PIERCE2: variants seen among roughly 807,000 people sequenced by gnomAD.
PIERCE2 encodes the protein piercer of microtubule wall 2 protein.
chr15:55,409,263 G>T, the PIERCE2 span, among the ~76,000 whole-genome samples: 1 of 152,090 alleles, frequency 6.6e-6, no homozygotes, highest in African/African-American at 2.4e-5. Context: ...AAATTAGCCA[G>T]GAGAGGTGGC....
the PIERCE2 span, among the ~76,000 whole-genome samples, chr15:55,410,319 G>A: frequency 6.6e-6 from 1 of 152,150 alleles, no homozygotes; most frequent in South Asian, 2.1e-4. Context: ...AGAACCAGTA[G>A]TAAAGAGGGT....
the PIERCE2 span, among the ~76,000 whole-genome samples, chr15:55,416,137 G>A: frequency 3.3e-5 from 5 of 151,808 alleles, no homozygotes; most frequent in Non-Finnish European, 5.9e-5. Context: ...CTTTTGCTCT[G>A]TCACCAGGCT....
At chr15:55,418,436 T>C in the PIERCE2 span, 2 of 1,524,330 alleles carry the variant, frequency 1.3e-6, no homozygotes, top group Non-Finnish European at 1.8e-6. Flanking sequence ...GTTTTTCCCC[T>C]GCAATTATAC....
chr15:55,418,438 C>T, the PIERCE2 span: 8 of 1,522,938 alleles, frequency 5.3e-6, no homozygotes, highest in Non-Finnish European at 7.0e-6. Flanking sequence ...TTTTCCCCTG[C>T]AATTATACTC....
chr15:55,408,990 G>C, the PIERCE2 span, among the ~76,000 whole-genome samples: 3 of 152,156 alleles, frequency 2.0e-5, no homozygotes, highest in Non-Finnish European at 2.9e-5. Flanking sequence ...CATCGAGATT[G>C]TATGCATTCA....
At chr15:55,418,539 T>C in the PIERCE2 span, 1 of 1,498,606 alleles carries the variant, frequency 6.7e-7, no homozygotes, top group Non-Finnish European at 8.9e-7. Context: ...ACCAGAACTC[T>C]TGATTTTCCT....
At chr15:55,418,545 T>C in the PIERCE2 span, 1 of 1,489,678 alleles carries the variant, frequency 6.7e-7, no homozygotes, top group Non-Finnish European at 9.0e-7. Context: ...ACTCTTGATT[T>C]TCCTAATATT....
At chr15:55,414,887 A>G in the PIERCE2 span, among the ~76,000 whole-genome samples, 1 of 152,094 alleles carries the variant, frequency 6.6e-6, no homozygotes, top group South Asian at 2.1e-4. Context: ...CAAAAAAAAG[A>G]AAAACAAAAC....
At chr15:55,412,240 G>T in the PIERCE2 span, among the ~76,000 whole-genome samples, 2 of 152,102 alleles carry the variant, frequency 1.3e-5, no homozygotes, top group Non-Finnish European at 2.9e-5. Flanking sequence ...ACAAATAAAG[G>T]TGAAATGATA....
At chr15:55,408,846 G>A in the PIERCE2 span, 2 of 1,280,984 alleles carry the variant, frequency 1.6e-6, no homozygotes, top group Non-Finnish European at 2.2e-6. Context: ...TATAATTTGA[G>A]GCACCACCTA....
the PIERCE2 span, chr15:55,418,263 T>G: frequency 6.4e-7 from 1 of 1,554,904 alleles, no homozygotes; most frequent in Non-Finnish European, 8.7e-7. Context: ...GACACAGAAA[T>G]GAAATCTGAA....
the PIERCE2 span, chr15:55,408,745 A>C: frequency 1.2e-5 from 19 of 1,527,140 alleles, no homozygotes; most frequent in Non-Finnish European, 1.6e-5. Flanking sequence ...ACTTTGCCGA[A>C]AAAATTAACA....
At chr15:55,416,871 G>C in the PIERCE2 span, among the ~76,000 whole-genome samples, 1 of 152,154 alleles carries the variant, frequency 6.6e-6, no homozygotes, top group Admixed American at 6.6e-5. Context: ...TGAGGCAGGA[G>C]AATTGCTTGA....
the PIERCE2 span, among the ~76,000 whole-genome samples, chr15:55,412,088 C>A: frequency 3.0e-5 from 2 of 67,148 alleles, no homozygotes; most frequent in Admixed American, 2.4e-4. Context: ...GAGACTTTGT[C>A]TCCACAAAAA....
chr15:55,408,526 CTTCCAGTTGCTATGG>C, the PIERCE2 span: 2 of 364,614 alleles, frequency 5.5e-6, no homozygotes, highest in Non-Finnish European at 4.9e-6. Flanking sequence ...CCGGCGACCA[CTTCCAGTTGCTATGG>C]TTACGAGTTG....
the PIERCE2 span, among the ~76,000 whole-genome samples, chr15:55,413,095 C>A: frequency 6.6e-6 from 1 of 151,866 alleles, no homozygotes; most frequent in South Asian, 2.1e-4. Context: ...GGTGAAACCC[C>A]ATCTCTACTA....
chr15:55,408,666 T>C, the PIERCE2 span: 1 of 697,682 alleles, frequency 1.4e-6, no homozygotes, highest in East Asian at 2.7e-5. Context: ...CTGCTTTAAT[T>C]GGGTGCGGTT....
chr15:55,411,430 C>T, the PIERCE2 span, among the ~76,000 whole-genome samples: 3 of 152,082 alleles, frequency 2.0e-5, no homozygotes, highest in African/African-American at 7.2e-5. Context: ...CGCCACTGCA[C>T]TCCAGCTTAG....
the PIERCE2 span, chr15:55,418,146 A>T: frequency 6.4e-7 from 1 of 1,569,678 alleles, no homozygotes; most frequent in Non-Finnish European, 8.6e-7. Flanking sequence ...GAAAAAGGGA[A>T]GTGGGTGGGA....
Sources: allele counts gnomAD v4.1 joint callset (sites outside exome capture counted in the v4.1 genomes callset), GRCh38; gene constraint gnomAD v4.1.1; transcripts MANE v1.5; gene names NCBI Gene and HGNC (gene_info 2026-07-23, HGNC 2026-07-21).